Variants in ALB observed in about 807,000 individuals in gnomAD.
ALB encodes the protein albumin, also known as serum albumin.
A neutral mutation model predicts 74.5 loss-of-function variants in ALB; 37 were observed. The ratio of observed to expected loss-of-function variants is 0.50; its 90% CI spans 0.38 to 0.65. ALB has a LOEUF of 0.65. Among genes scored for constraint, ALB ranks in the 30% least tolerant of loss-of-function variants. The pLI is 0.00. For synonymous variants in ALB, 249 were observed against 251.6 expected (o/e 0.99, Z 0.10); for missense variants, 685 against 718.7 (o/e 0.95, Z 0.54).
intron 7 of ALB, among the ~76,000 whole-genome samples, chr4:73,412,563 A>T (rs780264156): frequency 1.3e-4 from 20 of 152,316 alleles, no homozygotes; most frequent in African/African-American, 4.3e-4. Context: ...CTCATGCCTC[A>T]GCCTCCCAAG....
chr4:73,415,919 T>A (rs949661221), intron 9 of ALB, among the ~76,000 whole-genome samples: 1 of 152,200 alleles, frequency 6.6e-6, no homozygotes, highest in African/African-American at 2.4e-5. Flanking sequence ...AGAGCAGCTC[T>A]ATGAGATGAG....
At chr4:73,407,403 T>C (rs1181979229) in intron 3 of ALB, among the ~76,000 whole-genome samples, 1 of 152,246 alleles carries the variant, frequency 6.6e-6, no homozygotes. Context: ...CATAGTGCAT[T>C]CAAAGTCCAA....
Position 73,411,850 on chromosome 4 carries a change from T to C in ALB, c.714-146T>C, listed in dbSNP as rs1718884537. On this transcript the variant is annotated intron_variant, in intron 6 of 14. Coordinates refer to ENST00000295897, the MANE Select transcript of ALB (RefSeq NM_000477.7). ...CTGCCCTAAGGATAAGTGATTACCA[T>C]TTGGTTCAGAACTAGAACTAATGAA... 8 of 973,072 alleles carry C rather than the reference T, an allele frequency of 8.2e-6. No individual in the cohort carries two copies. In the Admixed American group the frequency reaches 1.2e-4, roughly 15 times the overall value. The allele number at this position is 973,072 out of a possible 1,614,324, so 60.3% of individuals were successfully genotyped here. A position where few individuals can be genotyped will look rare whatever the true frequency, so the allele number is the denominator to read the frequency against.
intron 6 of ALB, among the ~76,000 whole-genome samples, chr4:73,411,360 T>C (rs1371703480): frequency 3.3e-5 from 5 of 152,198 alleles, no homozygotes; most frequent in Admixed American, 2.0e-4. Context: ...TGAAGAAAAT[T>C]AGACGTTTAC....
chr4:73,407,845 G>A (rs879324305), intron 3 of ALB, among the ~76,000 whole-genome samples: 17 of 152,034 alleles, frequency 1.1e-4, no homozygotes, highest in Non-Finnish European at 1.5e-4. Flanking sequence ...ACCTCTTGTG[G>A]GCAAGGCCAG....
In ALB at chr4:73,413,502, A is replaced by G. The variant is rs1481502331; in HGVS notation, c.926A>G (p.Glu309Gly). The change falls in exon 8 of 15, where the codon GAA (glutamate) becomes GGA (glycine). Residue 309 changes from glutamate (E) to glycine (G), a missense_variant. Transcript: ENST00000295897. ...GAATGCTGTGAAAAACCTCTGTTGGAAAAATCCCACTGCATTGCCGAAGTG... is the reference window on the plus strand; with the variant it reads ...GAATGCTGTGAAAAACCTCTGTTGGGAAAATCCCACTGCATTGCCGAAGTG... ...LKECCEKPLL[E>G]KSHCIAEVEN... 6.2e-7 allele frequency: 1 copy of G among 1,614,188 alleles called. No homozygotes were observed. Among genetic ancestry groups the G allele is most frequent in the Non-Finnish European group, 8.5e-7 (1 of 1,180,014 alleles).
At chr4:73,418,450 A>C (rs1719072903) in intron 12 of ALB, 139 bp downstream of exon 12, 1 of 747,204 alleles carries the variant, frequency 1.3e-6, no homozygotes, top group East Asian at 2.7e-5. Flanking sequence ...TATGCTGATA[A>C]GAGTACCCAG....
intron 11 of ALB, 21 bp downstream of exon 11, chr4:73,417,690 A>G: frequency 3.9e-6 from 6 of 1,522,688 alleles, no homozygotes; most frequent in Non-Finnish European, 5.3e-6. Context: ...AAAAAAATAT[A>G]ATAAATTAAT....
At chr4:73,416,124 C>A in intron 9 of ALB, 132 bp from the exon 10 acceptor site, 1 of 688,592 alleles carries the variant, frequency 1.5e-6, no homozygotes, top group Non-Finnish European at 2.7e-6. Context: ...GACAGAGCGG[C>A]ATTGATATTC....
intron 12 of ALB, 67 bp from the exon 13 acceptor site, chr4:73,419,440 C>A: frequency 6.6e-7 from 1 of 1,522,838 alleles, no homozygotes; most frequent in Non-Finnish European, 8.9e-7. Flanking sequence ...TCCTTACTCT[C>A]TCCATTTTTC....
chr4:73,419,833 T>C (rs1719102798), intron 13 of ALB, among the ~76,000 whole-genome samples, 194 bp downstream of exon 13: 1 of 152,228 alleles, frequency 6.6e-6, no homozygotes, highest in Admixed American at 6.6e-5. Flanking sequence ...TGCCATACTG[T>C]TAAATGTTTA....
intron 3 of ALB, among the ~76,000 whole-genome samples, chr4:73,407,717 A>T (rs971582749): frequency 6.6e-6 from 1 of 152,344 alleles, no homozygotes; most frequent in East Asian, 1.9e-4. Context: ...GTATTTCTAC[A>T]TACAATAAAA....
rs1433874335 is a variant in ALB at position 73,407,234 on chromosome 4, C to T, written c.270+473C>T. On this transcript the variant is annotated intron_variant, in intron 3 of 14. Transcript: ENST00000295897. ...GCTTACTCATCTTGCTGTATTAAAA[C>T]TTTGTGCCCATTGATTAGTAACCCC... Among the ~76,000 whole-genome samples the T allele has an allele frequency of 2.0e-5, 3 of 152,102 alleles. No individual in the cohort carries two copies. In the East Asian group the frequency reaches 5.8e-4, roughly 29 times the overall value.
At position 73,416,375 on chromosome 4, in the gene ALB, A is replaced by G. The variant is rs770341325; in HGVS notation, c.1289+22A>G. The G allele has an allele frequency of 4.6e-6, 7 of 1,521,106 alleles. No homozygotes were observed. In the African/African-American group the frequency reaches 9.5e-5, roughly 21 times the overall value. The allele number at this position is 1,521,106 out of a possible 1,614,324, so 94.2% of individuals were successfully genotyped here. On this transcript the variant is annotated intron_variant, in intron 10 of 14. Coordinates refer to ENST00000295897, the MANE Select transcript of ALB (RefSeq NM_000477.7). Reference sequence around the variant, plus strand: ...ATGCGTAAGTAATTTTTATTGACTGATTTTTTTTATCAATTTGTAATTATT... The same window carrying G: ...ATGCGTAAGTAATTTTTATTGACTGGTTTTTTTTATCAATTTGTAATTATT...
At chr4:73,404,916 C>A in intron 1 of ALB, 200 bp from the exon 2 acceptor site, 1 of 601,462 alleles carries the variant, frequency 1.7e-6, no homozygotes, top group Non-Finnish European at 3.0e-6. Flanking sequence ...AAATAGTATT[C>A]TTGGTAATTG....
chr4:73,411,300 G>T (rs886492860), intron 6 of ALB, among the ~76,000 whole-genome samples: 2 of 152,100 alleles, frequency 1.3e-5, no homozygotes, highest in African/African-American at 4.8e-5. Flanking sequence ...TTGGTTTTGG[G>T]AAAGAAGTCA....
At chr4:73,412,294 T>C in intron 7 of ALB, 169 bp downstream of exon 7, 1 of 804,834 alleles carries the variant, frequency 1.2e-6, no homozygotes, top group Non-Finnish European at 2.1e-6. Flanking sequence ...CTTTCTGTTT[T>C]TAACCTGGCT....
chr4:73,411,354 G>A (rs968290649), intron 6 of ALB, among the ~76,000 whole-genome samples: 2 of 152,134 alleles, frequency 1.3e-5, no homozygotes, highest in Admixed American at 1.3e-4. Context: ...AGAGAATGAA[G>A]AAAATTAGAC....
rs1262539407 is a variant in ALB, at chr4:73,412,361, A to AT, written c.843+236_843+237insT. ...TGTAACTCCTTTCAGTCATGCTCTA[A>AT]CTGTAAATGAAGGCTTAAACTGAAG... On this transcript the variant is annotated intron_variant, in intron 7 of 14. Transcript: ENST00000295897. 12 of 545,428 alleles carry AT rather than the reference A, an allele frequency of 2.2e-5. No homozygotes were observed. In the African/African-American group the frequency reaches 2.3e-4, roughly 10 times the overall value. The allele number at this position is 545,428 out of a possible 1,614,324, so 33.8% of individuals were successfully genotyped here. A position where few individuals can be genotyped will look rare whatever the true frequency, so the allele number is the denominator to read the frequency against.
Sources: allele counts gnomAD v4.1 joint callset (sites outside exome capture counted in the v4.1 genomes callset), GRCh38; gene constraint gnomAD v4.1.1; transcripts MANE v1.5; gene names NCBI Gene and HGNC (gene_info 2026-07-23, HGNC 2026-07-21).